Variants in GREB1 observed in about 807,000 individuals in gnomAD.
GREB1 encodes growth regulating estrogen receptor binding 1.
In GREB1, 106 loss-of-function variants were observed where a neutral mutation model predicts 200.7. The observed-to-expected ratio is 0.53, with a 90% CI of 0.45 to 0.62. The LOEUF (loss-of-function observed/expected upper bound fraction) is 0.62, where lower values mean the gene tolerates loss of function less well. GREB1 is among the 20% of genes least tolerant of loss of function. The pLI, the probability that GREB1 is intolerant of heterozygous loss-of-function variation, is 0.00. For synonymous variants in GREB1, 1,132 were observed against 1,092.4 expected (o/e 1.04, Z -0.72); for missense variants, 2,243 against 2,556.8 (o/e 0.88, Z 2.65).
intron 18 of GREB1, among the ~76,000 whole-genome samples, chr2:11,611,522 T>C (rs1246492877): frequency 6.6e-6 from 1 of 151,956 alleles, no homozygotes; most frequent in Non-Finnish European, 1.5e-5. Flanking sequence ...CCCCGGCTGA[T>C]CTCAAACTCC....
At chr2:11,512,655 T>C (rs553606650) in intron 1 of GREB1, among the ~76,000 whole-genome samples, 1 of 152,316 alleles carries the variant, frequency 6.6e-6, no homozygotes, top group African/African-American at 2.4e-5. Flanking sequence ...CCCCACCAGC[T>C]AGTACAGGAG....
At chr2:11,520,305 A>G (rs1673658737) in intron 1 of GREB1, among the ~76,000 whole-genome samples, 1 of 152,332 alleles carries the variant, frequency 6.6e-6, no homozygotes, top group Non-Finnish European at 1.5e-5. Flanking sequence ...TATTGGCTTA[A>G]AACAGCACAT....
At chr2:11,522,845 C>T (rs191471279) in intron 1 of GREB1, among the ~76,000 whole-genome samples, 13 of 152,342 alleles carry the variant, frequency 8.5e-5, no homozygotes, top group Non-Finnish European at 1.5e-4. Flanking sequence ...TTGTTGTTTT[C>T]AGCACATCTC....
intron 10 of GREB1, among the ~76,000 whole-genome samples, chr2:11,589,789 A>G (rs1680546381): frequency 6.6e-6 from 1 of 152,054 alleles, no homozygotes; most frequent in Non-Finnish European, 1.5e-5. Flanking sequence ...GGCCGGCTGG[A>G]AATGCCTTTG....
chr2:11,578,103 G>A (rs1039564955), intron 5 of GREB1, among the ~76,000 whole-genome samples, 194 bp from the exon 6 acceptor site: 6 of 152,098 alleles, frequency 3.9e-5, no homozygotes, highest in African/African-American at 1.4e-4. Flanking sequence ...GCTGCCCCTT[G>A]GCACGTAGCC....
chr2:11,485,182 T>C (rs1672625390), intron 1 of GREB1, among the ~76,000 whole-genome samples: 1 of 152,162 alleles, frequency 6.6e-6, no homozygotes. Context: ...TTCATGAAGA[T>C]AGCCAGTTGG....
intron 1 of GREB1, among the ~76,000 whole-genome samples, chr2:11,510,160 T>C (rs1396162738): frequency 6.6e-6 from 1 of 152,250 alleles, no homozygotes; most frequent in African/African-American, 2.4e-5. Context: ...TGTTGTTTAA[T>C]GTGTATCTTT....
At chr2:11,549,638 G>C (rs1295391251) in intron 1 of GREB1, among the ~76,000 whole-genome samples, 1 of 152,036 alleles carries the variant, frequency 6.6e-6, no homozygotes, top group African/African-American at 2.4e-5. Flanking sequence ...TTGCCTTGTA[G>C]CCCTTCTAGT....
At chr2:11,486,536 A>G (rs1672659845) in intron 1 of GREB1, among the ~76,000 whole-genome samples, 1 of 152,052 alleles carries the variant, frequency 6.6e-6, no homozygotes, top group Non-Finnish European at 1.5e-5. Flanking sequence ...GTAAAATTTA[A>G]GAAAATACAG....
rs758770437 is a variant in GREB1 at position 11,625,251 on chromosome 2, C to T, written c.4245C>T (p.His1415=). 7.4e-6 allele frequency: 12 copies of T among 1,613,974 alleles called. No homozygotes were observed. The highest frequency in any genetic ancestry group is 2.2e-5 in the East Asian group (1 of 44,902). ...FKKLPFDYII[H]DPKYEDASLI... ...AGTTGCCCTTTGACTACATCATTCACGACCCGAAGTATGAAGATGCCAGCC... is the reference window on the plus strand; with the variant it reads ...AGTTGCCCTTTGACTACATCATTCATGACCCGAAGTATGAAGATGCCAGCC... The change falls in exon 24 of 33, where the codon CAC becomes CAT. Residue 1415 remains histidine, a synonymous_variant. Transcript: ENST00000381486.
rs530754267 is a variant in GREB1 at position 11,617,981 on chromosome 2, A to G, written c.3413-307A>G. 9.2e-5 allele frequency among the ~76,000 whole-genome samples: 14 copies of G among 151,766 alleles called. 1 individual carries two copies. In the South Asian group the frequency reaches 2.9e-3, roughly 32 times the overall value. On this transcript the variant is annotated intron_variant, in intron 21 of 32. Transcript: ENST00000381486. ...CTCAGCCCAGAGCTCGGGGACTGAAAGAAGCCCTGCCTCATAGGCAGGAGC... is the reference window on the plus strand; with the variant it reads ...CTCAGCCCAGAGCTCGGGGACTGAAGGAAGCCCTGCCTCATAGGCAGGAGC...
chr2:11,538,921 CCCCTCGTGTCCCCTCCCCTCCCCTCGTGT>C (rs1674494744), intron 1 of GREB1, among the ~76,000 whole-genome samples: 1 of 39,378 alleles, frequency 2.5e-5, no homozygotes, highest in Non-Finnish European at 5.7e-5. Flanking sequence ...CCCCTCCCCT[CCCCTCGTGTCCCCTCCCCTCCCCTCGTGT>C]CCCCTCCCCT....
chr2:11,527,813 G>A (rs1250490679), intron 1 of GREB1, among the ~76,000 whole-genome samples: 1 of 152,172 alleles, frequency 6.6e-6, no homozygotes, highest in African/African-American at 2.4e-5. Context: ...AAAAGTGCAG[G>A]AGGCCTGGGA....
intron 1 of GREB1, among the ~76,000 whole-genome samples, chr2:11,508,894 G>GTTTTT (rs1673262228): frequency 7.0e-6 from 1 of 142,626 alleles, no homozygotes; most frequent in African/African-American, 2.6e-5. Flanking sequence ...TTTTTTTTCG[G>GTTTTT]GACAGAGTCT....
intron 2 of GREB1, among the ~76,000 whole-genome samples, chr2:11,557,054 T>C (rs1219288013): frequency 2.0e-5 from 3 of 152,252 alleles, no homozygotes; most frequent in African/African-American, 7.2e-5. Context: ...ATTAGAAGGT[T>C]TGACATTTTC....
In GREB1 at chr2:11,585,194, G is replaced by T. The variant is rs779801498; in HGVS notation, c.935G>T (p.Arg312Leu). 1 of 1,579,900 alleles carries T rather than the reference G, an allele frequency of 6.3e-7. No individual in the cohort carries two copies. Among genetic ancestry groups the T allele is most frequent in the Non-Finnish European group, 8.6e-7 (1 of 1,166,076 alleles). ...ILSNSGPPKK[R>L]HKGWSPESPS... Reference sequence around the variant, plus strand: ...TCAAACTCCGGGCCCCCCAAAAAACGCCACAAAGGGTGGTCTCCAGAATCT... The same window carrying T: ...TCAAACTCCGGGCCCCCCAAAAAACTCCACAAAGGGTGGTCTCCAGAATCT... The change falls in exon 8 of 33, where the codon CGC (arginine) becomes CTC (leucine). Residue 312 changes from arginine to leucine, a missense_variant. By Grantham distance (102) the Arg-to-Leu change is moderately radical. Transcript: ENST00000381486.
chr2:11,633,118 G>A lies in GREB1; in HGVS notation c.4991+55G>A. On this transcript the variant is annotated intron_variant, in intron 28 of 32. Coordinates refer to ENST00000381486, the MANE Select transcript of GREB1 (RefSeq NM_014668.4). This position sits in a 1 kb window ranked among gnomAD's most constrained non-coding sequence, Gnocchi z 4.1. Reference sequence around the variant, plus strand: ...CCACCCTACGAATGATGACCAACGAGTGTGCCCTCTTTGTATGGGGAATGT... The same window carrying A: ...CCACCCTACGAATGATGACCAACGAATGTGCCCTCTTTGTATGGGGAATGT... The A allele has an allele frequency of 6.4e-7, 1 of 1,560,420 alleles. No individual in the cohort carries two copies.
intron 17 of GREB1, among the ~76,000 whole-genome samples, chr2:11,609,056 C>G (rs1682669540): frequency 1.3e-5 from 2 of 152,164 alleles, no homozygotes; most frequent in South Asian, 4.1e-4. Flanking sequence ...CACTGTCTTT[C>G]ACTGCCTGAT....
intron 15 of GREB1, among the ~76,000 whole-genome samples, chr2:11,599,933 C>A: frequency 6.6e-6 from 1 of 152,108 alleles, no homozygotes; most frequent in East Asian, 1.9e-4. Context: ...GGTGGTTTAC[C>A]GGGATTGGTC....
Sources: allele counts gnomAD v4.1 joint callset (sites outside exome capture counted in the v4.1 genomes callset), GRCh38; gene constraint gnomAD v4.1.1; non-coding constraint Gnocchi (gnomAD v3.1); transcripts MANE v1.5; gene names NCBI Gene and HGNC (gene_info 2026-07-23, HGNC 2026-07-21).